Variants in CHD4 observed in about 807,000 individuals in gnomAD.
CHD4 encodes ATP-dependent chromatin remodeler CHD4.
A neutral mutation model predicts 235.5 loss-of-function variants in CHD4; 35 were observed. That is an observed-to-expected ratio of 0.15 (90% CI 0.11 to 0.20). The LOEUF (loss-of-function observed/expected upper bound fraction) is 0.20, where lower values mean the gene tolerates loss of function less well. CHD4 is among the 10% of genes least tolerant of loss of function. CHD4 has a pLI of 1.00. For synonymous variants in CHD4, 900 were observed against 850.2 expected, an observed-to-expected ratio of 1.06 and a Z score of -1.02; for missense variants, 1,329 against 2,432.3, an observed-to-expected ratio of 0.55 and a Z score of 9.54.
intron 15 of CHD4, 107 bp downstream of exon 15, chr12:6,594,352 A>G: frequency 1.1e-6 from 1 of 950,040 alleles, no homozygotes; most frequent in Non-Finnish European, 1.6e-6. Flanking sequence ...GTGTTCTTGA[A>G]GGTCAGAGAC....
chr12:6,585,465 G>T (rs1363311532), intron 25 of CHD4, among the ~76,000 whole-genome samples: 1 of 151,062 alleles, frequency 6.6e-6, no homozygotes, highest in Non-Finnish European at 1.5e-5. Flanking sequence ...TGTATTTTTA[G>T]TAGAGACGGG....
Position 6,593,133 on chromosome 12 carries a change from G to T in CHD4, c.2610C>A (p.Leu870=). The part of the protein sequence containing the change: ...AILGSIDWAC[L]IVDEAHRLKN... ...TCAGCCGATGGGCTTCATCCACGATGAGGCAGGCCCAATCAATAGAGCCCA... is the reference window on the plus strand; with the variant it reads ...TCAGCCGATGGGCTTCATCCACGATTAGGCAGGCCCAATCAATAGAGCCCA... Residue 870 remains leucine, a synonymous_variant, in exon 17 of 40, where the codon CTC becomes CTA. Transcript: ENST00000544040. This position sits in a 1 kb window ranked among gnomAD's most constrained non-coding sequence, Gnocchi z 4.9. The T allele has an allele frequency of 6.2e-7, 1 of 1,614,204 alleles. No homozygotes were observed. Among genetic ancestry groups the T allele is most frequent in the Non-Finnish European group, 8.5e-7 (1 of 1,180,040 alleles).
intron 3 of CHD4, 86 bp downstream of exon 3, chr12:6,602,290 G>C (rs888734649): frequency 4.4e-5 from 71 of 1,601,948 alleles, no homozygotes; most frequent in Admixed American, 8.6e-5. Context: ...TTCTGAGAAA[G>C]AAACAAATGC....
chr12:6,587,045 T>C (rs1207284531), intron 25 of CHD4: 1 of 217,848 alleles, frequency 4.6e-6, no homozygotes, highest in African/African-American at 2.3e-5. Flanking sequence ...AGAGATAGAT[T>C]ACCTAGGATC....
rs1734116 is a variant in CHD4, at chr12:6,606,427, A to G, written c.-54T>C. 266,352 of 1,279,138 alleles carry G rather than the reference A, an allele frequency of 0.21. 32,272 individuals carry two copies. The highest frequency in any genetic ancestry group is 0.56 in the African/African-American group (36,481 of 65,584). 79.2% of individuals were successfully genotyped at this position (1,279,138 alleles called of 1,614,324 possible). On this transcript the variant is annotated 5_prime_UTR_variant, in exon 2 of 40. Coordinates refer to ENST00000544040, the MANE Select transcript of CHD4 (RefSeq NM_001273.5). Reference sequence around the variant, plus strand: ...CCCAGCTGCTCCTGCCGGCGGCCTGAGGACCTCTACACTGGCCCGAGTCAC... The same window carrying G: ...CCCAGCTGCTCCTGCCGGCGGCCTGGGGACCTCTACACTGGCCCGAGTCAC...
intron 13 of CHD4, 28 bp from the exon 14 acceptor site, chr12:6,595,458 C>T (rs757822229): frequency 1.9e-6 from 3 of 1,594,874 alleles, no homozygotes; most frequent in Non-Finnish European, 2.6e-6. Context: ...CACACAGCTG[C>T]CCAAAATCCT....
chr12:6,584,532 T>C (rs1948248437), intron 25 of CHD4: 1 of 152,104 alleles, frequency 6.6e-6, no homozygotes, highest in Non-Finnish European at 1.5e-5. Context: ...ACCACAAGCG[T>C]GAGCAACCAC....
chr12:6,591,807 T>G lies in CHD4; in HGVS notation c.3109A>C (p.Asn1037His). 6.2e-7 allele frequency: 1 copy of G among 1,614,230 alleles called. No homozygotes were observed. Among genetic ancestry groups the G allele is most frequent in the Non-Finnish European group, 8.5e-7 (1 of 1,180,034 alleles). Residue 1037 changes from asparagine (N) to histidine (H), a missense_variant, in exon 21 of 40, where the codon AAT (asparagine) becomes CAT (histidine). By Grantham distance (68) the Asn-to-His change is moderately conservative. This residue lies in a region of CHD4 where 39 missense variants were observed against 83.8 expected (regional missense o/e 0.47). Transcript: ENST00000544040. ...VAAMEAPKMP[N>H]GMYDGSALIR... ...AGGGCACTGCCATCATACATGCCAT[T>G]AGGCATCTTAGGAGCTTCCTGAGAA...
At chr12:6,574,605 T>G (rs564027550) in intron 37 of CHD4, among the ~76,000 whole-genome samples, 1 of 152,240 alleles carries the variant, frequency 6.6e-6, no homozygotes. Flanking sequence ...TGCAGATGAT[T>G]TGATGCTTCT....
At chr12:6,599,346 A>AG (rs1011058108) in intron 10 of CHD4, among the ~76,000 whole-genome samples, 1 of 152,038 alleles carries the variant, frequency 6.6e-6, no homozygotes, top group Non-Finnish European at 1.5e-5. Context: ...AGGTTGAGAT[A>AG]GGAGGATCAC....
At position 6,582,899 on chromosome 12, in the gene CHD4, A is replaced by C; in HGVS notation, c.4185T>G (p.Asp1395Glu). ...ACAGAGGAGGCAATGGCTTATCTTT[A>C]TCATTCCGCAGGCCCTTACGACTGG... ...RRPSRKGLRN[D>E]KDKPLPPLLA... The change falls in exon 28 of 40, where the codon GAT becomes GAG. Residue 1395 changes from aspartate (D) to glutamate (E), a missense_variant. Physicochemically the swap from Asp to Glu is conservative, Grantham distance 45. Transcript: ENST00000544040. 1.2e-6 allele frequency: 2 copies of C among 1,614,048 alleles called. No homozygotes were observed. Among genetic ancestry groups the C allele is most frequent in the Non-Finnish European group, 1.7e-6 (2 of 1,180,028 alleles).
chr12:6,595,635 A>T (rs1948476807), intron 13 of CHD4, among the ~76,000 whole-genome samples: 1 of 151,914 alleles, frequency 6.6e-6, no homozygotes, highest in Non-Finnish European at 1.5e-5. Flanking sequence ...TAAAAATACA[A>T]AAATTAGCTG....
At chr12:6,592,654 G>A in intron 18 of CHD4, 42 bp downstream of exon 18, 1 of 1,594,758 alleles carries the variant, frequency 6.3e-7, no homozygotes, top group Non-Finnish European at 8.6e-7. Context: ...GGAAGAATGA[G>A]AGGCACAATT....
Position 6,598,337 on chromosome 12 carries a change from T to G in CHD4, c.1571A>C (p.Asp524Ala), listed in dbSNP as rs752750067. The change falls in exon 11 of 40, where the codon GAT becomes GCT. Residue 524 changes from aspartate (D) to alanine (A), a missense_variant. By Grantham distance (126) the Asp-to-Ala change is moderately radical. Around this residue, in one of 26 missense-constraint regions of CHD4, gnomAD observed 45 missense variants for 47.5 expected, o/e 0.95. Transcript: ENST00000544040. ...TGGGGAGGGCGTGTTGGGATCAGCA[T>G]CTGGAGGCCGAGGCACTGGTGTGGG... The part of the protein sequence containing the change: ...PSPTPVPRPP[D>A]ADPNTPSPKP... 89 of 1,614,044 alleles carry G rather than the reference T, an allele frequency of 5.5e-5. No homozygotes were observed. The highest frequency in any genetic ancestry group is 1.6e-4 in the Middle Eastern group (1 of 6,084).
intron 29 of CHD4, 34 bp from the exon 30 acceptor site, chr12:6,582,315 G>C (rs767457617): frequency 1.7e-5 from 26 of 1,525,596 alleles, no homozygotes; most frequent in Non-Finnish European, 2.3e-5. Flanking sequence ...GTTAAATAGG[G>C]ATCATGCTGA....
At chr12:6,604,190 G>C (rs1948648867) in intron 2 of CHD4, among the ~76,000 whole-genome samples, 1 of 152,104 alleles carries the variant, frequency 6.6e-6, no homozygotes, top group Admixed American at 6.6e-5. Flanking sequence ...CAGGAGAATC[G>C]CTTGAGCCCG....
chr12:6,600,249 C>T lies in CHD4; in HGVS notation c.1210G>A (p.Ala404Thr). The change falls in exon 9 of 40, where the codon GCT (alanine) becomes ACT (threonine). Residue 404 changes from alanine to threonine, a missense_variant. Around this residue, in one of 26 missense-constraint regions of CHD4, gnomAD observed 37 missense variants for 49.9 expected, o/e 0.74. Transcript: ENST00000544040. ...MVCLDPDMEK[A>T]PEGKWSCPHC... is the part of the protein sequence containing the mutation. Reference sequence around the variant, plus strand: ...GGGCAGCTCCACTTGCCCTCGGGAGCCTTCTCCATGTCGGGATCCAGGCAG... The same window carrying T: ...GGGCAGCTCCACTTGCCCTCGGGAGTCTTCTCCATGTCGGGATCCAGGCAG... 6.2e-7 allele frequency: 1 copy of T among 1,614,198 alleles called. No homozygotes were observed. The highest frequency in any genetic ancestry group is 8.5e-7 in the Non-Finnish European group (1 of 1,180,030).
Position 6,591,122 on chromosome 12 carries a change from CAAAAAAAAAAAAAAAA to C in CHD4, c.3340+328_3340+343del, listed in dbSNP as rs35011913. On this transcript the variant is annotated intron_variant, in intron 22 of 39. Transcript: ENST00000544040. ...TGGGCGACAGAGCAAGACTCCATCT[CAAAAAAAAAAAAAAAA>C]AAAAAAAAAAAAACCTAGTAGCGTC... 2.3e-4 allele frequency: 6 copies of C among 25,588 alleles called. No homozygotes were observed. In the South Asian group the frequency reaches 7.3e-3, roughly 31 times the overall value. The allele number at this position is 25,588 out of a possible 1,614,324, so 1.6% of individuals were successfully genotyped here. A position where few individuals can be genotyped will look rare whatever the true frequency, so the allele number is the denominator to read the frequency against.
chr12:6,606,839 G>T (rs1948710884), intron 1 of CHD4: 1 of 155,704 alleles, frequency 6.4e-6, no homozygotes, highest in Non-Finnish European at 1.4e-5. Flanking sequence ...CTGCGCCCGG[G>T]GAGGGGCCAG....
Sources: gnomAD v4.1 joint callset for allele counts (sites outside exome capture counted in the v4.1 genomes callset) on GRCh38, gnomAD v4.1.1 for gene constraint, gnomAD v4.1.1 regional missense constraint, Gnocchi (gnomAD v3.1) non-coding constraint, MANE v1.5 for transcripts, NCBI Gene and HGNC (gene_info 2026-07-23, HGNC 2026-07-21) for gene names.